The following SLC35F4 variants were observed in gnomAD, a reference collection of about 807,000 sequenced individuals.
The protein encoded by SLC35F4 is solute carrier family 35 member F4.
SLC35F4 carries 24 observed loss-of-function variants against 44.2 expected under a neutral mutation model. The ratio of observed to expected loss-of-function variants is 0.54; its 90% CI spans 0.39 to 0.76. The LOEUF (loss-of-function observed/expected upper bound fraction) is 0.76, where lower values mean the gene tolerates loss of function less well. SLC35F4 is among the 30% of genes least tolerant of loss of function. The pLI, the probability that SLC35F4 is intolerant of heterozygous loss-of-function variation, is 0.00. For missense variants in SLC35F4, 562 were observed against 586.1 expected (o/e 0.96, Z 0.42); for synonymous variants, 238 against 223.6 (o/e 1.06, Z -0.57).
chr14:57,902,485 C>T (rs1397112435), intron 1 of SLC35F4, among the ~76,000 whole-genome samples: 1 of 151,336 alleles, frequency 6.6e-6, no homozygotes, highest in African/African-American at 2.4e-5. Flanking sequence ...ATTGATTGAA[C>T]CTGGGAGGTG....
chr14:57,646,872 A>G (rs765926625), intron 1 of SLC35F4, among the ~76,000 whole-genome samples: 4 of 152,002 alleles, frequency 2.6e-5, no homozygotes, highest in African/African-American at 2.4e-5. Flanking sequence ...CCTTCATTTC[A>G]TTATGTACCC....
intron 1 of SLC35F4, among the ~76,000 whole-genome samples, chr14:57,908,724 T>G (rs1889157672): frequency 6.6e-6 from 1 of 152,200 alleles, no homozygotes; most frequent in South Asian, 2.1e-4. Flanking sequence ...TTTCTCCCAT[T>G]CTGTAGGTTG....
chr14:57,634,835 G>T (rs1201824288), intron 1 of SLC35F4, among the ~76,000 whole-genome samples: 1 of 152,138 alleles, frequency 6.6e-6, no homozygotes, highest in Non-Finnish European at 1.5e-5. Flanking sequence ...CTAGAATGGT[G>T]AAGTGGAGAT....
chr14:57,847,430 T>C (rs1236604573), intron 1 of SLC35F4, among the ~76,000 whole-genome samples: 1 of 152,178 alleles, frequency 6.6e-6, no homozygotes, highest in Non-Finnish European at 1.5e-5. Context: ...CACACAAAAG[T>C]AATTCTTTAT....
At chr14:57,759,165 A>C (rs974286999) in intron 1 of SLC35F4, among the ~76,000 whole-genome samples, 1 of 152,076 alleles carries the variant, frequency 6.6e-6, no homozygotes, top group Non-Finnish European at 1.5e-5. Flanking sequence ...CCCTCTTGGC[A>C]ATGGTGAATA....
intron 1 of SLC35F4, among the ~76,000 whole-genome samples, chr14:57,667,732 C>G (rs918503214): frequency 1.3e-5 from 2 of 151,626 alleles, no homozygotes; most frequent in African/African-American, 4.9e-5. Context: ...TCCAGTCTAT[C>G]ATTGTTGGAC....
At chr14:57,936,789 C>T (rs192511904) in intron 1 of SLC35F4, among the ~76,000 whole-genome samples, 2 of 151,476 alleles carry the variant, frequency 1.3e-5, no homozygotes, top group East Asian at 1.9e-4. Context: ...GATAAGTATT[C>T]GGTTGAGCCT....
At position 57,755,848 on chromosome 14, in the gene SLC35F4, G is replaced by A. The variant is rs1261400799; in HGVS notation, c.103+109875C>T. Among the ~76,000 whole-genome samples the A allele has an allele frequency of 5.3e-5, 8 of 152,160 alleles. No individual in the cohort carries two copies. The South Asian group carries it at 1.0e-3, about 20-fold the overall frequency. On this transcript the variant is annotated intron_variant, in intron 1 of 7. Transcript: ENST00000556826. ...AGGGGACTCAAGGATGCTACATGAC[G>A]TGTCTAAGGCCACAAAGCCATTAAG...
chr14:57,880,014 G>T (rs527601812), intron 1 of SLC35F4, among the ~76,000 whole-genome samples: 19 of 132,652 alleles, frequency 1.4e-4, no homozygotes, highest in Admixed American at 3.0e-4. Flanking sequence ...AGAAGGGAAA[G>T]GAAAGGAAAG....
intron 1 of SLC35F4, among the ~76,000 whole-genome samples, chr14:57,603,295 T>C (rs1172519708): frequency 6.6e-6 from 1 of 152,210 alleles, no homozygotes; most frequent in Non-Finnish European, 1.5e-5. Flanking sequence ...CAAACAATTT[T>C]TTTAAAAAAA....
At chr14:57,835,163 C>A (rs1373599452) in intron 1 of SLC35F4, among the ~76,000 whole-genome samples, 1 of 152,188 alleles carries the variant, frequency 6.6e-6, no homozygotes, top group African/African-American at 2.4e-5. Context: ...ATGGGGCAAC[C>A]CGTGCTTGAA....
intron 1 of SLC35F4, among the ~76,000 whole-genome samples, chr14:57,625,862 GAC>G (rs1476400583): frequency 1.3e-5 from 2 of 152,178 alleles, no homozygotes; most frequent in East Asian, 1.9e-4. Flanking sequence ...CTACTATAAA[GAC>G]ACACACACGT....
rs77472648 is a variant in SLC35F4, at chr14:57,774,374, G to C, written c.103+91349C>G. 7.0e-4 allele frequency among the ~76,000 whole-genome samples: 107 copies of C among 152,312 alleles called. 1 individual carries two copies. The East Asian group carries it at 0.016, about 23-fold the overall frequency. ...GACCTCTTGACCACCATGGACACTT[G>C]TGTTGGCATGGAGAGCTTCTTAGAG... On this transcript the variant is annotated intron_variant, in intron 1 of 7. Coordinates refer to ENST00000556826, the MANE Select transcript of SLC35F4 (RefSeq NM_001306087.2).
intron 1 of SLC35F4, among the ~76,000 whole-genome samples, chr14:57,858,834 C>T (rs1002674916): frequency 2.6e-5 from 4 of 151,654 alleles, no homozygotes; most frequent in African/African-American, 9.7e-5. Context: ...TAGCTCACAC[C>T]TGTAATCCCA....
At chr14:57,861,388 C>T (rs543031892) in intron 1 of SLC35F4, among the ~76,000 whole-genome samples, 2 of 152,264 alleles carry the variant, frequency 1.3e-5, no homozygotes, top group Non-Finnish European at 2.9e-5. Flanking sequence ...ACTATCTCTC[C>T]AACTTCATTA....
chr14:57,579,087 CTGTG>C (rs1455151285), intron 4 of SLC35F4: 2 of 152,226 alleles, frequency 1.3e-5, no homozygotes, highest in African/African-American at 4.8e-5. Context: ...ACCTCCTCTT[CTGTG>C]TGTGTCTCTT....
intron 1 of SLC35F4, among the ~76,000 whole-genome samples, chr14:57,673,650 T>G (rs992064019): frequency 2.6e-5 from 4 of 151,340 alleles, no homozygotes; most frequent in African/African-American, 9.8e-5. Flanking sequence ...AAATGCCTAC[T>G]GTGGCAGGGT....
rs142642841 is a variant in SLC35F4 at position 57,901,261 on chromosome 14, G to A, written n.282+80652C>T. Among the ~76,000 whole-genome samples, 755 of 152,288 alleles carry A rather than the reference G, an allele frequency of 5.0e-3. 5 individuals carry two copies. The highest frequency in any genetic ancestry group is 0.017 in the African/African-American group (725 of 41,550). ...CACTATTTACAATAGCAAAGATCTGGAATCAACCTAAATGCCCATCAATGA... is the reference window on the plus strand; with the variant it reads ...CACTATTTACAATAGCAAAGATCTGAAATCAACCTAAATGCCCATCAATGA... On this transcript the variant is annotated intron_variant and non_coding_transcript_variant, in intron 1 of 1. Transcript: ENST00000556568.
chr14:57,649,214 T>C (rs2073676416), intron 1 of SLC35F4, among the ~76,000 whole-genome samples: 1 of 152,224 alleles, frequency 6.6e-6, no homozygotes, highest in Non-Finnish European at 1.5e-5. Flanking sequence ...TTTCTATTAG[T>C]TTCCTCTTGC....
Sources: allele counts gnomAD v4.1 joint callset (sites outside exome capture counted in the v4.1 genomes callset), GRCh38; gene constraint gnomAD v4.1.1; transcripts MANE v1.5; gene names NCBI Gene and HGNC (gene_info 2026-07-23, HGNC 2026-07-21).